The following CD96 variants were observed in gnomAD, a reference collection of about 807,000 sequenced individuals.
The protein encoded by CD96 is CD96 molecule.
A neutral mutation model predicts 71.3 loss-of-function variants in CD96; 70 were observed. The ratio of observed to expected loss-of-function variants is 0.98; its 90% CI spans 0.81 to 1.20. CD96 has a LOEUF of 1.20. Ranked by LOEUF, CD96 falls within the 50% of genes most tolerant of loss-of-function variation. The pLI, the probability that CD96 is intolerant of heterozygous loss-of-function variation, is 0.00. For missense variants in CD96, 742 were observed against 677.5 expected (o/e 1.10, Z -1.06); for synonymous variants, 248 against 233.0 (o/e 1.06, Z -0.59).
chr3:111,554,984 G>A (rs576448241), intron 2 of CD96, among the ~76,000 whole-genome samples: 7 of 152,038 alleles, frequency 4.6e-5, no homozygotes, highest in South Asian at 4.2e-4. Context: ...AATAGAGTTC[G>A]CACTCCTATG....
chr3:111,549,860 A>G (rs1222204327), intron 2 of CD96, among the ~76,000 whole-genome samples: 2 of 152,198 alleles, frequency 1.3e-5, no homozygotes, highest in Non-Finnish European at 2.9e-5. Flanking sequence ...GTTGTGACAT[A>G]CAGAAGACGT....
downstream of CD96, among the ~76,000 whole-genome samples, chr3:111,655,140 A>G (rs1320064559): frequency 1.3e-5 from 2 of 152,212 alleles, no homozygotes; most frequent in African/African-American, 2.4e-5. Context: ...GATTTTTCTT[A>G]TACATAAAGC....
chr3:111,638,389 G>T (rs1219535618), intron 12 of CD96, among the ~76,000 whole-genome samples: 1 of 152,198 alleles, frequency 6.6e-6, no homozygotes, highest in African/African-American at 2.4e-5. Context: ...GGTGTTGTCA[G>T]GGTCAAACAG....
intron 7 of CD96, among the ~76,000 whole-genome samples, chr3:111,605,328 T>A (rs1375583882): frequency 6.6e-6 from 1 of 152,128 alleles, no homozygotes; most frequent in Non-Finnish European, 1.5e-5. Context: ...GGAAACCACA[T>A]AAATTAAGAT....
intron 10 of CD96, chr3:111,633,670 GT>G (rs1939183755): frequency 1.3e-5 from 2 of 152,434 alleles, no homozygotes; most frequent in African/African-American, 4.8e-5. Flanking sequence ...GTCAGCAAGA[GT>G]ATGAGGGCCA....
intron 3 of CD96, 71 bp from the exon 4 acceptor site, chr3:111,578,956 G>A: frequency 1.2e-6 from 1 of 802,028 alleles, no homozygotes; most frequent in South Asian, 1.4e-5. Flanking sequence ...ATGAATCAGT[G>A]CTTGTCGAAT....
intron 14 of CD96, among the ~76,000 whole-genome samples, chr3:111,658,404 G>A (rs997725094): frequency 6.6e-6 from 1 of 152,168 alleles, no homozygotes; most frequent in Admixed American, 6.5e-5. Context: ...AAAACTTCAA[G>A]AGCAGATTAA....
intron 6 of CD96, among the ~76,000 whole-genome samples, chr3:111,598,501 T>C (rs1380500648): frequency 2.0e-5 from 3 of 152,234 alleles, no homozygotes; most frequent in African/African-American, 7.2e-5. Flanking sequence ...GGACAAAAAG[T>C]TTAAGTCTAC....
intron 5 of CD96, chr3:111,594,043 C>A: frequency 6.2e-7 from 1 of 1,614,168 alleles, no homozygotes; most frequent in South Asian, 1.1e-5. Flanking sequence ...CCTCAGAGAA[C>A]CGGGTGCCCT....
At chr3:111,548,573 T>C (rs773787927) in intron 2 of CD96, among the ~76,000 whole-genome samples, 7 of 152,174 alleles carry the variant, frequency 4.6e-5, no homozygotes, top group Non-Finnish European at 7.4e-5. Context: ...CCATAATGCT[T>C]CAGATTGTAA....
chr3:111,569,639 T>C (rs1935882536), intron 3 of CD96, among the ~76,000 whole-genome samples: 1 of 152,220 alleles, frequency 6.6e-6, no homozygotes, highest in Non-Finnish European at 1.5e-5. Context: ...AATAAAGCCT[T>C]ACTGTAGATA....
intron 2 of CD96, among the ~76,000 whole-genome samples, chr3:111,548,983 G>T (rs567481581): frequency 1.3e-5 from 2 of 152,310 alleles, no homozygotes; most frequent in African/African-American, 4.8e-5. Context: ...TCAATAGGAA[G>T]AAGTTGACAT....
chr3:111,644,271 A>G (rs1939726170), intron 12 of CD96, among the ~76,000 whole-genome samples: 1 of 152,210 alleles, frequency 6.6e-6, no homozygotes, highest in African/African-American at 2.4e-5. Context: ...AGCCACATGT[A>G]GGAGAATTAA....
intron 2 of CD96, among the ~76,000 whole-genome samples, chr3:111,559,706 T>G (rs1301102065): frequency 6.1e-5 from 1 of 16,294 alleles, no homozygotes. Flanking sequence ...TGGAGAGTTC[T>G]GTAGATGTCT....
chr3:111,593,592 G>T (rs181400868), intron 5 of CD96: 9 of 1,550,348 alleles, frequency 5.8e-6, no homozygotes, highest in African/African-American at 5.5e-5. Context: ...TCTTTCTCCC[G>T]CTGGCATGCC....
At chr3:111,618,911 A>G (rs778751152) in intron 8 of CD96, among the ~76,000 whole-genome samples, 69 of 151,896 alleles carry the variant, frequency 4.5e-4, no homozygotes, top group Non-Finnish European at 1.3e-4. Context: ...TTTATGCTCC[A>G]CTTATGCTAC....
At chr3:111,566,972 T>C (rs369432580) in intron 2 of CD96, among the ~76,000 whole-genome samples, 18 of 152,272 alleles carry the variant, frequency 1.2e-4, no homozygotes, top group African/African-American at 3.8e-4. Flanking sequence ...ATGTAAACTA[T>C]GAACTTTGGG....
intron 5 of CD96, among the ~76,000 whole-genome samples, chr3:111,589,771 G>A (rs1232047515): frequency 6.6e-6 from 1 of 152,158 alleles, no homozygotes; most frequent in Non-Finnish European, 1.5e-5. Context: ...CATATTTAGT[G>A]TGCCTGTATC....
intron 8 of CD96, among the ~76,000 whole-genome samples, chr3:111,616,917 C>T (rs1035325497): frequency 1.7e-4 from 26 of 152,196 alleles, no homozygotes; most frequent in African/African-American, 6.3e-4. Flanking sequence ...GGGAACACCC[C>T]CGCTTCTGCA....
Sources: gnomAD v4.1 joint callset for allele counts (sites outside exome capture counted in the v4.1 genomes callset) on GRCh38, gnomAD v4.1.1 for gene constraint, MANE v1.5 for transcripts, NCBI Gene and HGNC (gene_info 2026-07-23, HGNC 2026-07-21) for gene names.